The following BLK variants were observed in gnomAD, a reference collection of about 807,000 sequenced individuals.
BLK encodes the protein BLK proto-oncogene, Src family tyrosine kinase, also known as tyrosine-protein kinase Blk.
Under a neutral mutation model 61.8 loss-of-function variants are expected in BLK, and 64 were observed. The ratio of observed to expected loss-of-function variants is 1.03; its 90% confidence interval spans 0.85 to 1.27. The LOEUF is 1.27. BLK is among the 50% of genes most tolerant of loss of function. The pLI is 0.00. For missense variants in BLK, 853 were observed against 660.5 expected (o/e 1.29, Z -3.19); for synonymous variants, 351 against 272.0 (o/e 1.29, Z -2.86).
intron 1 of BLK, among the ~76,000 whole-genome samples, chr8:11,506,397 C>T (rs1798770532): frequency 6.6e-6 from 1 of 152,126 alleles, no homozygotes; most frequent in South Asian, 2.1e-4. Flanking sequence ...AACTGTTGGC[C>T]ATGGCACTAG....
intron 11 of BLK, among the ~76,000 whole-genome samples, chr8:11,562,292 G>GA (rs921819058): frequency 6.6e-6 from 1 of 152,204 alleles, no homozygotes; most frequent in African/African-American, 2.4e-5. Flanking sequence ...AAGAGAATCT[G>GA]AAGGGGTCAC....
rs551091197 is a variant in BLK at position 11,550,993 on chromosome 8, C to A, written c.472+731C>A. On this transcript the variant is annotated intron_variant, in intron 6 of 12. Coordinates refer to ENST00000259089, the MANE Select transcript of BLK (RefSeq NM_001715.3). Reference sequence around the variant, plus strand: ...ACCACCAGGAGCCCCCTCACTCCCCCACTTGGGCTCCTTCCTGATTCAACC... The same window carrying A: ...ACCACCAGGAGCCCCCTCACTCCCCAACTTGGGCTCCTTCCTGATTCAACC... Among the ~76,000 whole-genome samples, 57 of 152,286 alleles carry A rather than the reference C, an allele frequency of 3.7e-4. 2 individuals are homozygous for A. The Middle Eastern group carries it at 0.01, about 27-fold the overall frequency.
chr8:11,521,765 C>G (rs905446680), intron 1 of BLK, among the ~76,000 whole-genome samples: 1 of 152,206 alleles, frequency 6.6e-6, no homozygotes, highest in Non-Finnish European at 1.5e-5. Context: ...CTGAGACTCT[C>G]CGTTCACTTC....
intron 4 of BLK, among the ~76,000 whole-genome samples, chr8:11,548,725 C>T (rs1432454095): frequency 6.6e-6 from 1 of 152,212 alleles, no homozygotes; most frequent in Non-Finnish European, 1.5e-5. Context: ...TCAAGCCTGT[C>T]CCCAGTCCCT....
chr8:11,515,704 C>T (rs1003408769), intron 1 of BLK, among the ~76,000 whole-genome samples: 5 of 152,072 alleles, frequency 3.3e-5, no homozygotes, highest in Non-Finnish European at 5.9e-5. Flanking sequence ...GCTTAAAATG[C>T]AATTTTCCCC....
rs1456912552 is a variant in BLK, at chr8:11,556,846, C to T, written c.952+9C>T. ...CGAGTACATGGCCAGAGGTGGTGCC[C>T]CCCGCAGAGCCGCATCCTCAGAGCG... On this transcript the variant is annotated intron_variant, in intron 9 of 12. Transcript: ENST00000259089. The T allele has an allele frequency of 5.0e-6, 8 of 1,613,332 alleles. No individual in the cohort carries two copies. The highest frequency in any genetic ancestry group is 5.9e-6 in the Non-Finnish European group (7 of 1,179,592).
intron 10 of BLK, among the ~76,000 whole-genome samples, chr8:11,559,238 G>A (rs936774842): frequency 6.6e-6 from 1 of 152,020 alleles, no homozygotes; most frequent in African/African-American, 2.4e-5. Flanking sequence ...TTCCCAGAAG[G>A]GCAGCCTCTA....
chr8:11,511,695 T>C (rs1325365755), intron 1 of BLK, among the ~76,000 whole-genome samples: 1 of 152,198 alleles, frequency 6.6e-6, no homozygotes, highest in Non-Finnish European at 1.5e-5. Context: ...ATGGACTTCC[T>C]GAAATACGGC....
chr8:11,504,372 A>G (rs138228664), intron 1 of BLK, among the ~76,000 whole-genome samples: 4 of 15,876 alleles, frequency 2.5e-4, no homozygotes, highest in South Asian at 2.5e-3. Flanking sequence ...AGGAAGAAAG[A>G]AAAGAAAAGA....
chr8:11,563,262 G>A (rs993301565), intron 12 of BLK, 152 bp downstream of exon 12: 1 of 1,176,538 alleles, frequency 8.5e-7, no homozygotes, highest in African/African-American at 1.5e-5. Flanking sequence ...CTGGGGTGGA[G>A]CTCTGCCCCC....
intron 1 of BLK, among the ~76,000 whole-genome samples, chr8:11,541,983 C>A (rs1256923476): frequency 6.6e-6 from 1 of 152,144 alleles, no homozygotes; most frequent in Non-Finnish European, 1.5e-5. Flanking sequence ...GTATGTAAGG[C>A]ATACTTGAAA....
chr8:11,512,029 C>G (rs942870799), intron 1 of BLK, among the ~76,000 whole-genome samples: 2 of 152,170 alleles, frequency 1.3e-5, no homozygotes, highest in African/African-American at 4.8e-5. Flanking sequence ...TACTGCATGT[C>G]TACAATGTAT....
At chr8:11,536,802 G>A (rs1014235220) in intron 1 of BLK, among the ~76,000 whole-genome samples, 3 of 152,182 alleles carry the variant, frequency 2.0e-5, no homozygotes, top group East Asian at 3.8e-4. Flanking sequence ...TCTGGCTAGC[G>A]TTTTCTCCCA....
intron 7 of BLK, 130 bp downstream of exon 7, chr8:11,555,019 A>G (rs1801131335): frequency 1.1e-5 from 16 of 1,402,352 alleles, no homozygotes; most frequent in Non-Finnish European, 1.4e-5. Context: ...AGTTAGGCCT[A>G]AGGAGGTAGC....
In BLK at chr8:11,555,589, T is replaced by C; in HGVS notation, c.772+105T>C. On this transcript the variant is annotated intron_variant, in intron 8 of 12. Coordinates refer to ENST00000259089, the MANE Select transcript of BLK (RefSeq NM_001715.3). ...TAGCGTGTCATCCCTCCCCCAGAAGTCTTGAGAGGGAGCGAGGACAGAGGC... is the reference window on the plus strand; with the variant it reads ...TAGCGTGTCATCCCTCCCCCAGAAGCCTTGAGAGGGAGCGAGGACAGAGGC... 2.6e-6 allele frequency: 4 copies of C among 1,539,082 alleles called. No homozygotes were observed. The South Asian group carries it at 4.6e-5, about 18-fold the overall frequency.
At chr8:11,557,854 A>G (rs1326692560) in intron 9 of BLK, 108 bp from the exon 10 acceptor site, 2 of 909,596 alleles carry the variant, frequency 2.2e-6, no homozygotes, top group Non-Finnish European at 3.6e-6. Context: ...TGAGGGTGCA[A>G]ACTCCCACTT....
intron 6 of BLK, among the ~76,000 whole-genome samples, chr8:11,554,420 T>C (rs1801085640): frequency 6.6e-6 from 1 of 151,778 alleles, no homozygotes; most frequent in Admixed American, 6.6e-5. Flanking sequence ...TGACAAAGGG[T>C]CCCCGAGTGA....
chr8:11,562,429 G>A (rs965992250), intron 11 of BLK, among the ~76,000 whole-genome samples: 1 of 152,190 alleles, frequency 6.6e-6, no homozygotes, highest in Non-Finnish European at 1.5e-5. Flanking sequence ...GAGGCCAGGG[G>A]AGGCTGTGAA....
At chr8:11,513,511 C>T (rs1158883715) in intron 1 of BLK, among the ~76,000 whole-genome samples, 1 of 152,204 alleles carries the variant, frequency 6.6e-6, no homozygotes, top group Non-Finnish European at 1.5e-5. Flanking sequence ...GGCTGTCTGT[C>T]CCTCAGCATC....
Sources: gnomAD v4.1 joint callset for allele counts (sites outside exome capture counted in the v4.1 genomes callset) on GRCh38, gnomAD v4.1.1 for gene constraint, MANE v1.5 for transcripts, NCBI Gene and HGNC (gene_info 2026-07-23, HGNC 2026-07-21) for gene names.